The following ADAMTS9 variants were observed in gnomAD, a reference collection of about 807,000 sequenced individuals.
ADAMTS9 encodes the protein A disintegrin and metalloproteinase with thrombospondin motifs 9.
Under a neutral mutation model 257.1 loss-of-function variants are expected in ADAMTS9, and 107 were observed. The ratio of observed to expected loss-of-function variants is 0.42; its 90% confidence interval spans 0.36 to 0.49. The LOEUF is 0.49. ADAMTS9 is among the 20% of genes least tolerant of loss of function. ADAMTS9 has a pLI of 0.03. For missense variants in ADAMTS9, 2,353 were observed against 2,469.1 expected (o/e 0.95, Z 1.00); for synonymous variants, 982 against 880.9 (o/e 1.11, Z -2.03).
intron 30 of ADAMTS9, among the ~76,000 whole-genome samples, chr3:64,551,804 C>T (rs920779): frequency 0.74 from 113,033 of 152,084 alleles, 44,009 homozygotes; most frequent in Non-Finnish European, 0.86. Flanking sequence ...TTCCAGGCCC[C>T]TGTCCTAGTT....
chr3:64,654,907 T>C (rs184344340), intron 6 of ADAMTS9, among the ~76,000 whole-genome samples: 1 of 152,318 alleles, frequency 6.6e-6, no homozygotes, highest in Non-Finnish European at 1.5e-5. Context: ...GATTCCAGTT[T>C]CGTAAAGACT....
chr3:64,520,233 A>T (rs1164741592), intron 39 of ADAMTS9, among the ~76,000 whole-genome samples: 1 of 152,170 alleles, frequency 6.6e-6, no homozygotes, highest in Non-Finnish European at 1.5e-5. Context: ...AATACATCTA[A>T]TCAAGCAGGT....
intron 22 of ADAMTS9, among the ~76,000 whole-genome samples, chr3:64,613,128 GT>G (rs1480950548): frequency 6.6e-6 from 1 of 152,164 alleles, no homozygotes; most frequent in African/African-American, 2.4e-5. Context: ...ACGTGGGTCT[GT>G]AAAAGGGTAA....
intron 3 of ADAMTS9, among the ~76,000 whole-genome samples, chr3:64,677,997 A>G (rs1701664592): frequency 6.6e-6 from 1 of 152,206 alleles, no homozygotes; most frequent in African/African-American, 2.4e-5. Context: ...AAAATTAGGC[A>G]TACCTCAAGA....
Position 64,528,953 on chromosome 3 carries a change from G to C in ADAMTS9, c.5718+4213C>G, listed in dbSNP as rs137902407. The stretch of plus-strand genomic sequence containing the variant: ...CACAGACTCTGGCAGTCAGATTTCA[G>C]AGTCCACGTGCTTCACCTCTGGGCT... On this transcript the variant is annotated intron_variant, in intron 38 of 39. Coordinates refer to ENST00000498707, the MANE Select transcript of ADAMTS9 (RefSeq NM_182920.2). 5.0e-3 allele frequency among the ~76,000 whole-genome samples: 755 copies of C among 152,018 alleles called. 2 individuals carry two copies. The highest frequency in any genetic ancestry group is 0.018 in the African/African-American group (733 of 41,454).
chr3:64,532,859 C>T (rs903535405), intron 38 of ADAMTS9, among the ~76,000 whole-genome samples: 1 of 152,298 alleles, frequency 6.6e-6, no homozygotes, highest in African/African-American at 2.4e-5. Flanking sequence ...ATCTGAGCCA[C>T]ACTCTCGACA....
chr3:64,603,669 G>T (rs1268087562), intron 25 of ADAMTS9, among the ~76,000 whole-genome samples: 2 of 152,144 alleles, frequency 1.3e-5, no homozygotes, highest in African/African-American at 4.8e-5. Flanking sequence ...AGCCCAACAG[G>T]ACAGACACTC....
In ADAMTS9 at chr3:64,572,448, G is replaced by T. The variant is rs534876233; in HGVS notation, c.4357-3913C>A. ...CTGGATATGGTGCAGACGAATATGG[G>T]TTTGGTGTGCTGTCTCTGGTTTTAG... On this transcript the variant is annotated intron_variant, in intron 28 of 39. Coordinates refer to ENST00000498707, the MANE Select transcript of ADAMTS9 (RefSeq NM_182920.2). 1.1e-4 allele frequency among the ~76,000 whole-genome samples: 17 copies of T among 152,224 alleles called. No homozygotes were observed. In the East Asian group the frequency reaches 3.3e-3, roughly 30 times the overall value.
chr3:64,559,298 G>T (rs2106639541), intron 30 of ADAMTS9, among the ~76,000 whole-genome samples: 1 of 152,186 alleles, frequency 6.6e-6, no homozygotes. Flanking sequence ...CTTTTGGTGG[G>T]GCTTCTCCCC....
At position 64,686,332 on chromosome 3, in the gene ADAMTS9, C is replaced by T. The variant is rs1321250313; in HGVS notation, c.516+236G>A. Among the ~76,000 whole-genome samples the T allele has an allele frequency of 6.6e-6, 1 of 152,254 alleles. No individual in the cohort carries two copies. Among genetic ancestry groups the T allele is most frequent in the African/African-American group, 2.4e-5 (1 of 41,470 alleles). On this transcript the variant is annotated intron_variant, in intron 2 of 39. Transcript: ENST00000498707. The surrounding 1 kb of genome is among the most constrained non-coding windows in gnomAD (Gnocchi z 4.6). ...CGCGCCGCTGAACCGAGTCCAAACT[C>T]CAGAAAGCTCTGAAACATCCAGAAG...
At chr3:64,618,022 T>C (rs1433942317) in intron 19 of ADAMTS9, among the ~76,000 whole-genome samples, 1 of 152,200 alleles carries the variant, frequency 6.6e-6, no homozygotes, top group African/African-American at 2.4e-5. Context: ...AGGCTTGGTT[T>C]GTGTCGGTGT....
Position 64,687,295 on chromosome 3 carries a change from G to A in ADAMTS9, c.115+248C>T, listed in dbSNP as rs917654037. On this transcript the variant is annotated intron_variant, in intron 1 of 39. Coordinates refer to ENST00000498707, the MANE Select transcript of ADAMTS9 (RefSeq NM_182920.2). This position sits in a 1 kb window ranked among gnomAD's most constrained non-coding sequence, Gnocchi z 4.4. ...TTACTAAGTTACTTTAGTTTGCGGC[G>A]TGGGAGTGGGGATGGGGATATATCT... is the stretch of plus-strand genomic sequence containing the variant. 1.3e-5 allele frequency among the ~76,000 whole-genome samples: 2 copies of A among 152,206 alleles called. No homozygotes were observed. The highest frequency in any genetic ancestry group is 4.8e-5 in the African/African-American group (2 of 41,458).
At chr3:64,545,737 C>A (rs2083188609) in intron 32 of ADAMTS9, among the ~76,000 whole-genome samples, 1 of 152,200 alleles carries the variant, frequency 6.6e-6, no homozygotes, top group South Asian at 2.1e-4. Context: ...TATACATGTA[C>A]CCTAGAACTT....
rs569749884 is a variant in ADAMTS9, at chr3:64,631,763, C to T, written c.2293+45G>A. On this transcript the variant is annotated intron_variant, in intron 15 of 39. Coordinates refer to ENST00000498707, the MANE Select transcript of ADAMTS9 (RefSeq NM_182920.2). ...TTACATGTGGTTAACAATTTTCAAACTTTGACCATATTCCTTCTCATGGTT... is the reference window on the plus strand; with the variant it reads ...TTACATGTGGTTAACAATTTTCAAATTTTGACCATATTCCTTCTCATGGTT... 75 of 1,528,198 alleles carry T rather than the reference C, an allele frequency of 4.9e-5. No homozygotes were observed. The South Asian group carries it at 8.1e-4, about 16-fold the overall frequency. 94.7% of individuals were successfully genotyped at this position (1,528,198 alleles called of 1,614,324 possible).
At chr3:64,684,016 G>A (rs1701828047) in intron 2 of ADAMTS9, among the ~76,000 whole-genome samples, 2 of 152,166 alleles carry the variant, frequency 1.3e-5, no homozygotes, top group South Asian at 4.1e-4. Context: ...ATTTGAGCAT[G>A]TGAAGATGAG....
At chr3:64,546,684 G>C in intron 32 of ADAMTS9, 74 bp downstream of exon 32, 4 of 1,453,502 alleles carry the variant, frequency 2.8e-6, no homozygotes, top group Non-Finnish European at 3.7e-6. Flanking sequence ...AGGAGAGCGG[G>C]TTAGGCAGGA....
chr3:64,653,371 C>T (rs2106952986), intron 8 of ADAMTS9, among the ~76,000 whole-genome samples: 1 of 152,258 alleles, frequency 6.6e-6, no homozygotes, highest in Non-Finnish European at 1.5e-5. Flanking sequence ...AAATATGAGG[C>T]ATTTGACTGT....
intron 14 of ADAMTS9, among the ~76,000 whole-genome samples, 197 bp downstream of exon 14, chr3:64,633,275 C>T (rs143004620): frequency 2.0e-5 from 3 of 152,096 alleles, no homozygotes; most frequent in South Asian, 2.1e-4. Context: ...TCCAGGGCAA[C>T]GGCTCCCAAA....
Position 64,523,989 on chromosome 3 carries a change from A to T in ADAMTS9, c.5719-1729T>A, listed in dbSNP as rs534232558. Among the ~76,000 whole-genome samples the T allele has an allele frequency of 3.4e-4, 52 of 152,308 alleles. 1 individual carries two copies. The South Asian group carries it at 0.011, about 31-fold the overall frequency. On this transcript the variant is annotated intron_variant, in intron 38 of 39. Transcript: ENST00000498707. ...ATTGTACCTAAAATTACAAGGCAAA[A>T]CTGTTCTTATAGGCAAAACTTATAC...
Sources: gnomAD v4.1 joint callset for allele counts (sites outside exome capture counted in the v4.1 genomes callset) on GRCh38, gnomAD v4.1.1 for gene constraint, Gnocchi (gnomAD v3.1) non-coding constraint, MANE v1.5 for transcripts, NCBI Gene and HGNC (gene_info 2026-07-23, HGNC 2026-07-21) for gene names.